The following SPTBN1 variants were observed in gnomAD, a reference collection of about 807,000 sequenced individuals.
SPTBN1 encodes the protein spectrin beta chain, non-erythrocytic 1.
A neutral mutation model predicts 266.4 loss-of-function variants in SPTBN1; 32 were observed. That is an observed-to-expected ratio of 0.12 (90% CI 0.09 to 0.16). SPTBN1 has a LOEUF of 0.16. Among genes scored for constraint, SPTBN1 ranks in the 10% least tolerant of loss-of-function variants. SPTBN1 has a pLI of 1.00. For missense variants in SPTBN1, 2,296 were observed against 3,067.1 expected (o/e 0.75, Z 5.94); for synonymous variants, 1,336 against 1,162.2 (o/e 1.15, Z -3.04).
At chr2:54,633,350 C>T (rs1427780208) in intron 17 of SPTBN1, among the ~76,000 whole-genome samples, 1 of 152,176 alleles carries the variant, frequency 6.6e-6, no homozygotes, top group Admixed American at 6.5e-5. Context: ...TCTGCCAGGG[C>T]ATCTCCAGGA....
intron 9 of SPTBN1, among the ~76,000 whole-genome samples, chr2:54,622,708 T>C (rs932309925): frequency 2.6e-5 from 4 of 152,182 alleles, no homozygotes; most frequent in Non-Finnish European, 5.9e-5. Flanking sequence ...ATACAGGATA[T>C]ATGAGAATTC....
At chr2:54,564,200 G>A (rs1417482839) in intron 2 of SPTBN1, among the ~76,000 whole-genome samples, 1 of 152,270 alleles carries the variant, frequency 6.6e-6, no homozygotes, top group East Asian at 1.9e-4. Context: ...ATTTTACTAG[G>A]AAGAACATTA....
intron 2 of SPTBN1, among the ~76,000 whole-genome samples, chr2:54,529,024 T>C (rs1241327329): frequency 6.6e-6 from 1 of 152,218 alleles, no homozygotes; most frequent in Non-Finnish European, 1.5e-5. Flanking sequence ...TCTAAAAAAC[T>C]ATATGCTGAT....
chr2:54,595,673 C>T (rs554127575), intron 2 of SPTBN1, among the ~76,000 whole-genome samples: 2 of 152,322 alleles, frequency 1.3e-5, no homozygotes, highest in Non-Finnish European at 2.9e-5. Context: ...TGCAGGTCAT[C>T]AAAGAGAATG....
In SPTBN1 at chr2:54,631,564, C is replaced by G. The variant is rs1399637084; in HGVS notation, c.3517C>G (p.Gln1173Glu). 6.2e-7 allele frequency: 1 copy of G among 1,613,932 alleles called. No individual in the cohort carries two copies. The highest frequency in any genetic ancestry group is 1.7e-5 in the Admixed American group (1 of 60,018). ...NLLSQSHAYQ[Q>E]FLRDTKQAEA... is the part of the protein sequence containing the mutation. ...CCTATCCCAGTCACATGCCTACCAG[C>G]AGTTCCTCAGAGACACGAAGCAAGC... The change falls in exon 16 of 36, where the codon CAG becomes GAG. Residue 1173 changes from glutamine to glutamate, a missense_variant. This residue lies in a region of SPTBN1 where 386 missense variants were observed against 486.1 expected (regional missense o/e 0.79). Coordinates refer to ENST00000356805, the MANE Select transcript of SPTBN1 (RefSeq NM_003128.3).
chr2:54,606,821 G>A (rs1162363904), intron 3 of SPTBN1, among the ~76,000 whole-genome samples: 1 of 152,196 alleles, frequency 6.6e-6, no homozygotes, highest in Non-Finnish European at 1.5e-5. Context: ...ATGGTGTCTG[G>A]GCCAGCTTTA....
chr2:54,567,054 TGTC>T (rs1673712207), intron 2 of SPTBN1, among the ~76,000 whole-genome samples: 1 of 152,242 alleles, frequency 6.6e-6, no homozygotes, highest in Non-Finnish European at 1.5e-5. Flanking sequence ...AGTGAGCAGC[TGTC>T]GTCTGGTTAA....
intron 1 of SPTBN1, among the ~76,000 whole-genome samples, chr2:54,459,447 A>C (rs1297413874): frequency 6.6e-6 from 1 of 152,220 alleles, no homozygotes; most frequent in East Asian, 1.9e-4. Context: ...GTTTGAATGT[A>C]TGACTTTACA....
At chr2:54,538,060 G>A (rs1671713874) in intron 2 of SPTBN1, among the ~76,000 whole-genome samples, 4 of 152,150 alleles carry the variant, frequency 2.6e-5, no homozygotes, top group Admixed American at 2.6e-4. Flanking sequence ...ATAGACTGAT[G>A]TTCTTGATTC....
intron 32 of SPTBN1, chr2:54,661,887 A>G (rs1020571579): frequency 8.1e-6 from 8 of 985,248 alleles, no homozygotes; most frequent in Admixed American, 6.2e-5. Context: ...TATCATGCCT[A>G]TTTTTATCTA....
In SPTBN1 at chr2:54,616,422, C is replaced by T. The variant is rs7570695; in HGVS notation, c.566+124C>T. On this transcript the variant is annotated intron_variant, in intron 5 of 35. Coordinates refer to ENST00000356805, the MANE Select transcript of SPTBN1 (RefSeq NM_003128.3). ...CTTCCATTGGGAAGTCTTGTTAACT[C>T]GCAAGCAGTTGATATGACTTTTCAA... The T allele has an allele frequency of 7.2e-3, 5,117 of 709,886 alleles. 186 individuals carry two copies. The African/African-American group carries it at 0.077, about 11-fold the overall frequency. 44.0% of individuals were successfully genotyped at this position (709,886 alleles called of 1,614,324 possible). A position where few individuals can be genotyped will look rare whatever the true frequency, so the allele number is the denominator to read the frequency against.
intron 2 of SPTBN1, among the ~76,000 whole-genome samples, chr2:54,570,927 T>C (rs1674019455): frequency 6.6e-6 from 1 of 152,180 alleles, no homozygotes; most frequent in Non-Finnish European, 1.5e-5. Flanking sequence ...GAGATGTGAA[T>C]AAAGTCTAGT....
chr2:54,536,111 G>A (rs1271424943), intron 2 of SPTBN1, among the ~76,000 whole-genome samples: 1 of 152,182 alleles, frequency 6.6e-6, no homozygotes, highest in Non-Finnish European at 1.5e-5. Context: ...GGTGTTTGGT[G>A]TCTCAGATGG....
chr2:54,542,355 A>G (rs996133895), intron 2 of SPTBN1, among the ~76,000 whole-genome samples: 3 of 152,262 alleles, frequency 2.0e-5, no homozygotes, highest in Non-Finnish European at 2.9e-5. Flanking sequence ...AGGCAGGACT[A>G]TAGGAGTGAA....
At chr2:54,530,558 C>A (rs907682304) in intron 2 of SPTBN1, among the ~76,000 whole-genome samples, 1 of 151,616 alleles carries the variant, frequency 6.6e-6, no homozygotes, top group African/African-American at 2.4e-5. Flanking sequence ...GGGGTTTCGC[C>A]GTGTTATCCA....
At chr2:54,500,767 G>A (rs915066848) in intron 1 of SPTBN1, among the ~76,000 whole-genome samples, 4 of 152,144 alleles carry the variant, frequency 2.6e-5, no homozygotes, top group African/African-American at 9.7e-5. Flanking sequence ...CAAACTCCTA[G>A]CCTCAAGGGA....
At position 54,664,576 on chromosome 2, in the gene SPTBN1, G is replaced by A. The variant is rs765907360; in HGVS notation, c.6544G>A (p.Ala2182Thr). The A allele has an allele frequency of 3.7e-6, 6 of 1,614,104 alleles. No homozygotes were observed. In the Admixed American group the frequency reaches 1.0e-4, roughly 27 times the overall value. The change falls in exon 33 of 36, where the codon GCC becomes ACC. Residue 2182 changes from alanine (A) to threonine (T), a missense_variant. Physicochemically the swap from Ala to Thr is moderately conservative, Grantham distance 58 (BLOSUM62 0). Around this residue, in one of 12 missense-constraint regions of SPTBN1, gnomAD observed 347 missense variants for 368.5 expected, o/e 0.94. Coordinates refer to ENST00000356805, the MANE Select transcript of SPTBN1 (RefSeq NM_003128.3). The surrounding 1 kb of genome is among the most constrained non-coding windows in gnomAD (Gnocchi z 5.6). ...SDRKAKTALP[A>T]QSAATLPART... ...TCGTAAAGCCAAGACTGCCCTCCCA[G>A]CCCAGAGTGCCGCCACCTTACCAGC...
At chr2:54,461,790 A>C (rs536364830) in intron 1 of SPTBN1, among the ~76,000 whole-genome samples, 1 of 152,326 alleles carries the variant, frequency 6.6e-6, no homozygotes, top group East Asian at 1.9e-4. Context: ...TTCTGTATGT[A>C]GATTACTACT....
chr2:54,611,740 A>G (rs1677231271), intron 3 of SPTBN1, among the ~76,000 whole-genome samples: 1 of 152,192 alleles, frequency 6.6e-6, no homozygotes, highest in African/African-American at 2.4e-5. Flanking sequence ...AGCCAAGCTT[A>G]AGGGTTGCCA....
Sources: allele counts gnomAD v4.1 joint callset (sites outside exome capture counted in the v4.1 genomes callset), GRCh38; gene constraint gnomAD v4.1.1; regional missense constraint gnomAD v4.1.1; non-coding constraint Gnocchi (gnomAD v3.1); transcripts MANE v1.5; gene names NCBI Gene and HGNC (gene_info 2026-07-23, HGNC 2026-07-21).